Variants in RARB observed in about 807,000 individuals in gnomAD.
The protein encoded by RARB is retinoic acid receptor beta, also known as HBV-activated protein.
Under a neutral mutation model 51.9 loss-of-function variants are expected in RARB, and 17 were observed. The ratio of observed to expected loss-of-function variants is 0.33; its 90% CI spans 0.22 to 0.49. RARB has a LOEUF of 0.49. Among genes scored for constraint, RARB ranks in the 20% least tolerant of loss-of-function variants. The probability of loss-of-function intolerance (pLI) is 0.99; values close to 1 mark genes in which losing one functional copy is unlikely to be tolerated. For synonymous variants in RARB, 215 were observed against 195.4 expected (o/e 1.10, Z -0.84); for missense variants, 369 against 550.8 (o/e 0.67, Z 3.30).
rs115803743 is a variant in RARB at position 24,939,148 on chromosome 3, A to G, written c.-380+80396A>G. 5.3e-3 allele frequency among the ~76,000 whole-genome samples: 811 copies of G among 152,170 alleles called. 7 individuals are homozygous for G. The highest frequency in any genetic ancestry group is 0.019 in the African/African-American group (775 of 41,542). On this transcript the variant is annotated intron_variant, in intron 2 of 11. Coordinates refer to the RARB transcript ENST00000383772. ...CAGGCGTGCACCACGATATCTGGCT[A>G]ATTGTTTGTATTTTTAGTAGAAACT...
At chr3:25,524,337 C>G (rs1376284334) in intron 3 of RARB, among the ~76,000 whole-genome samples, 1 of 152,076 alleles carries the variant, frequency 6.6e-6, no homozygotes, top group Non-Finnish European at 1.5e-5. Context: ...TCAAACTGTT[C>G]AGAAAGTACT....
intron 4 of RARB, among the ~76,000 whole-genome samples, chr3:25,139,558 G>A (rs1700079370): frequency 6.6e-6 from 1 of 152,166 alleles, no homozygotes; most frequent in Non-Finnish European, 1.5e-5. Context: ...TTTGAAACTA[G>A]CAGAAGTTGG....
At chr3:25,020,120 T>A (rs1158627775) in intron 2 of RARB, 2 of 38,902 alleles carry the variant, frequency 5.1e-5, no homozygotes. Context: ...TTATTATTAT[T>A]ATTATTATTA....
At position 25,428,883 on chromosome 3, in the gene RARB, C is replaced by T; in HGVS notation, c.152C>T (p.Ala51Val). 6.2e-7 allele frequency: 1 copy of T among 1,604,102 alleles called. No homozygotes were observed. Among genetic ancestry groups the T allele is most frequent in the Non-Finnish European group, 8.5e-7 (1 of 1,172,502 alleles). ...ACCGAATGGCAGCATCGGCACACTG[C>T]TCAATGTAGGTTTATTTTTTTCCCT... Reference protein sequence around the residue: ...TQTEWQHRHTAQSIETQSTSS... With the variant: ...TQTEWQHRHTVQSIETQSTSS... The change falls in exon 1 of 8, where the codon GCT becomes GTT. Residue 51 changes from alanine (A) to valine (V), a missense_variant. This residue lies in a region of RARB where 99 missense variants were observed against 95.1 expected (regional missense o/e 1.04). Coordinates refer to ENST00000330688, the MANE Select transcript of RARB (RefSeq NM_000965.5).
intron 2 of RARB, among the ~76,000 whole-genome samples, chr3:24,869,905 C>T (rs1381327774): frequency 6.6e-6 from 1 of 152,056 alleles, no homozygotes; most frequent in South Asian, 2.1e-4. Flanking sequence ...ATACGTTCAT[C>T]AGCCTTTTAT....
chr3:24,962,559 G>A (rs1332487762), intron 2 of RARB, among the ~76,000 whole-genome samples: 1 of 152,196 alleles, frequency 6.6e-6, no homozygotes, highest in Non-Finnish European at 1.5e-5. Context: ...CACAGCAGGA[G>A]TTAAGCAGCA....
intron 2 of RARB, among the ~76,000 whole-genome samples, chr3:25,463,475 C>A (rs1413663569): frequency 6.6e-6 from 1 of 152,016 alleles, no homozygotes; most frequent in Non-Finnish European, 1.5e-5. Flanking sequence ...CCATTCTGGC[C>A]AAAATGGTGA....
chr3:25,467,371 G>A (rs190429802), intron 2 of RARB, among the ~76,000 whole-genome samples: 2 of 152,296 alleles, frequency 1.3e-5, no homozygotes, highest in South Asian at 2.1e-4. Context: ...GGTCTAGGAC[G>A]GTCTCACTCA....
At chr3:25,437,926 C>A (rs117861528) in intron 1 of RARB, among the ~76,000 whole-genome samples, 1 of 152,316 alleles carries the variant, frequency 6.6e-6, no homozygotes, top group East Asian at 1.9e-4. Context: ...TCTATGATTT[C>A]TGTGACTTAT....
intron 5 of RARB, among the ~76,000 whole-genome samples, chr3:25,320,100 G>T (rs569346842): frequency 1.3e-5 from 2 of 150,594 alleles, no homozygotes; most frequent in African/African-American, 4.9e-5. Context: ...CAAGGCAAGC[G>T]CTGCTAAGGA....
chr3:25,308,448 CT>C (rs549224085), intron 5 of RARB, among the ~76,000 whole-genome samples: 4,553 of 130,636 alleles, frequency 0.035, 113 homozygotes, highest in African/African-American at 0.11. Context: ...TTCTTTCTTT[CT>C]TTTTTTTTTT....
intron 5 of RARB, among the ~76,000 whole-genome samples, chr3:25,181,631 TAAG>T (rs902241023): frequency 2.6e-5 from 4 of 152,190 alleles, no homozygotes; most frequent in African/African-American, 9.6e-5. Context: ...GCATTCCTGT[TAAG>T]AACCACCCCT....
At chr3:25,508,347 T>C (rs998206525) in intron 3 of RARB, among the ~76,000 whole-genome samples, 1 of 152,222 alleles carries the variant, frequency 6.6e-6, no homozygotes, top group Non-Finnish European at 1.5e-5. Flanking sequence ...TAGATACTTC[T>C]GTGGGAGGAT....
intron 1 of RARB, among the ~76,000 whole-genome samples, chr3:25,432,811 A>G (rs1471123500): frequency 6.6e-6 from 1 of 152,202 alleles, no homozygotes; most frequent in Admixed American, 6.5e-5. Flanking sequence ...AATTTTTTAA[A>G]TCAGTAATTT....
rs570603929 is a variant in RARB, at chr3:24,886,730, C to A, written c.-380+27978C>A. Among the ~76,000 whole-genome samples the A allele has an allele frequency of 1.0e-3, 156 of 152,248 alleles. 2 individuals are homozygous for A. Among genetic ancestry groups the A allele is most frequent in the Admixed American group, 1.2e-3 (18 of 15,290 alleles). On this transcript the variant is annotated intron_variant, in intron 2 of 11. Transcript: ENST00000383772. ...GGATTACAAGCATGACCCACCGCGC[C>A]TAACCTGTAGATGAAACTTGATACT...
intron 2 of RARB, among the ~76,000 whole-genome samples, chr3:24,879,202 G>A (rs1559380539): frequency 5.9e-5 from 9 of 152,138 alleles, no homozygotes; most frequent in Admixed American, 4.6e-4. Context: ...GGCCGCGGCC[G>A]GCGGATCACG....
At chr3:25,348,695 A>G (rs1442325145) in intron 5 of RARB, among the ~76,000 whole-genome samples, 1 of 152,242 alleles carries the variant, frequency 6.6e-6, no homozygotes, top group Non-Finnish European at 1.5e-5. Context: ...GTAAATTTAA[A>G]TGTCAGTAAA....
chr3:25,312,470 C>A (rs1262694044), intron 5 of RARB, among the ~76,000 whole-genome samples: 1 of 152,050 alleles, frequency 6.6e-6, no homozygotes, highest in African/African-American at 2.4e-5. Flanking sequence ...CCTTCTAACT[C>A]CTCTGGTCAA....
rs550405145 is a variant in RARB at position 24,848,031 on chromosome 3, T to G, written c.-458-10643T>G. ...CCTTCAAATATAAAGTATCAATACA[T>G]CTCCACTCCTCTGTGCTGTAAGGCT... On this transcript the variant is annotated intron_variant, in intron 1 of 11. Transcript: ENST00000383772. Among the ~76,000 whole-genome samples, 6 of 152,308 alleles carry G rather than the reference T, an allele frequency of 3.9e-5. No homozygotes were observed. The South Asian group carries it at 1.2e-3, about 32-fold the overall frequency.
Sources: allele counts gnomAD v4.1 joint callset (sites outside exome capture counted in the v4.1 genomes callset), GRCh38; gene constraint gnomAD v4.1.1; regional missense constraint gnomAD v4.1.1; transcripts MANE v1.5; gene names NCBI Gene and HGNC (gene_info 2026-07-23, HGNC 2026-07-21).